The following SV2C variants were observed in gnomAD, a reference collection of about 807,000 sequenced individuals.
SV2C encodes synaptic vesicle glycoprotein 2C, also known as solute carrier family 22 member B3.
SV2C carries 49 observed loss-of-function variants against 79.7 expected under a neutral mutation model. The ratio of observed to expected loss-of-function variants is 0.61; its 90% CI spans 0.49 to 0.78. The LOEUF (loss-of-function observed/expected upper bound fraction) is 0.78, where lower values mean the gene tolerates loss of function less well. SV2C is among the 30% of genes least tolerant of loss of function. The probability of loss-of-function intolerance (pLI) is 0.00; values close to 1 mark genes in which losing one functional copy is unlikely to be tolerated. For synonymous variants in SV2C, 334 were observed against 333.2 expected, an observed-to-expected ratio of 1.00 and a Z score of -0.03; for missense variants, 833 against 912.9, an observed-to-expected ratio of 0.91 and a Z score of 1.13.
chr5:76,052,059 T>C, the SV2C span, among the ~76,000 whole-genome samples: 1 of 152,116 alleles, frequency 6.6e-6, no homozygotes. Context: ...CTCCCAAAGT[T>C]TCCCTCTAGT....
chr5:76,225,153 C>T (rs185108375), intron 4 of SV2C, among the ~76,000 whole-genome samples: 8 of 152,276 alleles, frequency 5.3e-5, no homozygotes, highest in East Asian at 1.9e-4. Context: ...TTGCTAAATA[C>T]GACAGAGTGT....
At chr5:76,064,668 C>T in the SV2C span, among the ~76,000 whole-genome samples, 2 of 152,106 alleles carry the variant, frequency 1.3e-5, no homozygotes, top group African/African-American at 4.8e-5. Context: ...CCATCGTTTT[C>T]CTTCTTCTCC....
intron 4 of SV2C, among the ~76,000 whole-genome samples, chr5:76,272,114 A>G (rs1429034832): frequency 6.6e-6 from 1 of 152,198 alleles, no homozygotes; most frequent in Admixed American, 6.5e-5. Context: ...TGGGGCTAGG[A>G]AAAAGAAACA....
At chr5:76,078,839 T>C (rs1580248432), upstream of SV2C, 4 of 585,636 alleles carry the variant, frequency 6.8e-6, no homozygotes, top group Non-Finnish European at 1.4e-5. Flanking sequence ...AAAAACAGCA[T>C]CTTTGCCAAT....
chr5:75,911,697 A>C, the SV2C span: 1 of 664,862 alleles, frequency 1.5e-6, no homozygotes, highest in Non-Finnish European at 2.9e-6. Context: ...AGATTGCTTC[A>C]GAGCCTGGAG....
At chr5:75,922,156 T>C in the SV2C span, among the ~76,000 whole-genome samples, 1 of 152,172 alleles carries the variant, frequency 6.6e-6, no homozygotes, top group East Asian at 1.9e-4. Flanking sequence ...TATATATTAT[T>C]TTCCCTCTTT....
At chr5:76,259,381 A>G (rs755492562) in intron 4 of SV2C, among the ~76,000 whole-genome samples, 6 of 152,172 alleles carry the variant, frequency 3.9e-5, no homozygotes, top group Admixed American at 6.5e-5. Flanking sequence ...TGGGGTTTTA[A>G]TTTGCATTTC....
At chr5:76,313,168 T>C (rs2913261) in intron 12 of SV2C, among the ~76,000 whole-genome samples, 60,913 of 152,128 alleles carry the variant, frequency 0.4, 12,673 homozygotes, top group East Asian at 0.55. Flanking sequence ...TGGTATTCTG[T>C]AATGGCAATT....
chr5:76,232,352 G>A (rs1418744757), intron 4 of SV2C, among the ~76,000 whole-genome samples: 64 of 151,014 alleles, frequency 4.2e-4, no homozygotes, highest in African/African-American at 7.1e-4. Flanking sequence ...TTTGTCAGAT[G>A]AGTAGGTTGC....
At chr5:76,338,442 G>C (rs13155463), downstream of SV2C, among the ~76,000 whole-genome samples, 1,743 of 152,270 alleles carry the variant, frequency 0.011, 15 homozygotes, top group Non-Finnish European at 0.016. Context: ...GGTTTGGGTG[G>C]GGCTATAAGG....
At chr5:76,205,199 G>A (rs773265646) in intron 3 of SV2C, among the ~76,000 whole-genome samples, 4 of 151,972 alleles carry the variant, frequency 2.6e-5, no homozygotes, top group South Asian at 2.1e-4. Flanking sequence ...CTGCTTGCCT[G>A]TGCATTGGGG....
chr5:75,909,556 G>A, the SV2C span, among the ~76,000 whole-genome samples: 1 of 152,150 alleles, frequency 6.6e-6, no homozygotes, highest in Non-Finnish European at 1.5e-5. Flanking sequence ...AGCAGAGGGA[G>A]GGTTTTGTTC....
chr5:76,319,162 G>A (rs983587966), intron 12 of SV2C, among the ~76,000 whole-genome samples: 1 of 152,038 alleles, frequency 6.6e-6, no homozygotes, highest in Non-Finnish European at 1.5e-5. Flanking sequence ...TGTAATCCCA[G>A]CCCTTTGGGA....
At chr5:76,297,148 A>G (rs1029449135) in intron 9 of SV2C, among the ~76,000 whole-genome samples, 15 of 152,206 alleles carry the variant, frequency 9.9e-5, no homozygotes, top group African/African-American at 3.6e-4. Context: ...TTTTTGTAAA[A>G]CATATGTTAC....
chr5:75,918,892 T>A, the SV2C span, among the ~76,000 whole-genome samples: 9 of 152,218 alleles, frequency 5.9e-5, no homozygotes, highest in African/African-American at 2.2e-4. Context: ...AATATGAACA[T>A]GTTTCAGTTC....
At chr5:76,318,372 C>T (rs184934135) in intron 12 of SV2C, among the ~76,000 whole-genome samples, 148 of 151,408 alleles carry the variant, frequency 9.8e-4, no homozygotes, top group Non-Finnish European at 1.6e-3. Context: ...GAGCCGAGAT[C>T]GTGCCACTGC....
At chr5:76,056,624 CTTTTTTTTTTTTT>C in the SV2C span, among the ~76,000 whole-genome samples, 27 of 65,712 alleles carry the variant, frequency 4.1e-4, no homozygotes, top group Admixed American at 2.8e-3. Context: ...CCTGGGCTTT[CTTTTTTTTTTTTT>C]TTTTTTTTTT....
At chr5:75,869,901 G>A in the SV2C span, among the ~76,000 whole-genome samples, 1 of 152,196 alleles carries the variant, frequency 6.6e-6, no homozygotes, top group Non-Finnish European at 1.5e-5. Flanking sequence ...TATTGTCCAA[G>A]ACCATCAAGG....
At chr5:75,989,334 C>T in the SV2C span, among the ~76,000 whole-genome samples, 9 of 152,046 alleles carry the variant, frequency 5.9e-5, no homozygotes, top group African/African-American at 1.7e-4. Context: ...CCCCATGTGT[C>T]CATGTGTTCT....
Sources: allele counts gnomAD v4.1 joint callset (sites outside exome capture counted in the v4.1 genomes callset), GRCh38; gene constraint gnomAD v4.1.1; transcripts MANE v1.5; gene names NCBI Gene and HGNC (gene_info 2026-07-23, HGNC 2026-07-21).